Variants in BMAL1 observed in about 807,000 individuals in gnomAD.
BMAL1 encodes the protein basic helix-loop-helix ARNT-like protein 1.
the BMAL1 span, among the ~76,000 whole-genome samples, chr11:13,324,424 T>G: frequency 2.6e-5 from 4 of 152,184 alleles, no homozygotes; most frequent in Admixed American, 2.6e-4. Context: ...TTGCACTTGC[T>G]GTCCTCCGCC....
chr11:13,339,342 C>T, the BMAL1 span, among the ~76,000 whole-genome samples: 62 of 152,160 alleles, frequency 4.1e-4, no homozygotes, highest in African/African-American at 1.4e-3. Flanking sequence ...TTCTCATCAC[C>T]CCCACACCTA....
the BMAL1 span, chr11:13,369,811 A>G: frequency 1.3e-6 from 2 of 1,589,456 alleles, no homozygotes; most frequent in Non-Finnish European, 1.7e-6. Flanking sequence ...CAGGTGAAGC[A>G]TGCTTTCTGC....
the BMAL1 span, among the ~76,000 whole-genome samples, chr11:13,382,228 T>A: frequency 1.3e-5 from 2 of 152,138 alleles, no homozygotes; most frequent in African/African-American, 4.8e-5. Context: ...ACATTTCTAT[T>A]TGAAAAAGCG....
the BMAL1 span, among the ~76,000 whole-genome samples, chr11:13,338,108 C>G: frequency 1.3e-5 from 2 of 152,100 alleles, no homozygotes; most frequent in Admixed American, 1.3e-4. Context: ...ACGACTCATG[C>G]CTGTTCAGAC....
the BMAL1 span, among the ~76,000 whole-genome samples, chr11:13,286,527 C>A: frequency 2.0e-5 from 3 of 152,124 alleles, no homozygotes; most frequent in African/African-American, 7.2e-5. Flanking sequence ...CTCACCATAG[C>A]AGGGAAACGT....
chr11:13,278,313 G>A, the BMAL1 span, among the ~76,000 whole-genome samples: 1 of 152,218 alleles, frequency 6.6e-6, no homozygotes, highest in South Asian at 2.1e-4. Flanking sequence ...CTCTTAAAGG[G>A]ATAGCTCTGC....
chr11:13,329,817 G>A, the BMAL1 span, among the ~76,000 whole-genome samples: 9 of 140,746 alleles, frequency 6.4e-5, no homozygotes, highest in East Asian at 2.2e-3. Flanking sequence ...AGCCTGCTGG[G>A]CTGGGCAACG....
At chr11:13,282,788 G>A in the BMAL1 span, among the ~76,000 whole-genome samples, 1 of 152,248 alleles carries the variant, frequency 6.6e-6, no homozygotes, top group Admixed American at 6.5e-5. Context: ...CATTCTGGGA[G>A]AAGTTTATCT....
At chr11:13,288,951 T>C in the BMAL1 span, among the ~76,000 whole-genome samples, 7 of 152,310 alleles carry the variant, frequency 4.6e-5, no homozygotes, top group African/African-American at 1.7e-4. Context: ...GGAAGTCGAA[T>C]GTTTTAAAAC....
At chr11:13,283,131 T>C in the BMAL1 span, among the ~76,000 whole-genome samples, 1 of 152,194 alleles carries the variant, frequency 6.6e-6, no homozygotes, top group Non-Finnish European at 1.5e-5. Flanking sequence ...TGTGCTGTCC[T>C]TTTAAATAGT....
chr11:13,364,606 C>T, the BMAL1 span, among the ~76,000 whole-genome samples: 10 of 152,228 alleles, frequency 6.6e-5, no homozygotes, highest in South Asian at 6.2e-4. Context: ...TCCTTGTCAC[C>T]GGAAGACCCC....
the BMAL1 span, among the ~76,000 whole-genome samples, chr11:13,281,749 A>G: frequency 2.0e-5 from 3 of 152,108 alleles, no homozygotes; most frequent in African/African-American, 7.2e-5. Flanking sequence ...GGCTCAAGTG[A>G]CCCACCTGCA....
At chr11:13,376,816 T>A in the BMAL1 span, 3 of 1,263,962 alleles carry the variant, frequency 2.4e-6, no homozygotes, top group South Asian at 4.3e-5. Context: ...CAGGGTCCCC[T>A]CCATTCATAT....
chr11:13,383,315 G>A, the BMAL1 span, among the ~76,000 whole-genome samples: 2 of 152,078 alleles, frequency 1.3e-5, no homozygotes, highest in East Asian at 3.8e-4. Flanking sequence ...AGAAAGAGAG[G>A]GGGCACAAGA....
chr11:13,335,127 C>T, the BMAL1 span, among the ~76,000 whole-genome samples: 1 of 152,132 alleles, frequency 6.6e-6, no homozygotes, highest in Non-Finnish European at 1.5e-5. Context: ...ATGAGAGTTA[C>T]CTCACCTCCC....
chr11:13,277,003 T>C, the BMAL1 span: 1 of 152,178 alleles, frequency 6.6e-6, no homozygotes, highest in Non-Finnish European at 1.5e-5. Context: ...CGCGCTCGAG[T>C]ATTCTCTTTG....
the BMAL1 span, among the ~76,000 whole-genome samples, chr11:13,377,396 C>T: frequency 3.9e-5 from 6 of 152,220 alleles, no homozygotes; most frequent in Admixed American, 3.3e-4. Context: ...AGAAACCTGG[C>T]TGTTGTCTCT....
the BMAL1 span, among the ~76,000 whole-genome samples, chr11:13,298,916 T>C: frequency 6.6e-6 from 1 of 152,234 alleles, no homozygotes; most frequent in Non-Finnish European, 1.5e-5. Flanking sequence ...TCTCACACTT[T>C]TTCCTGTTCC....
At chr11:13,336,926 C>A in the BMAL1 span, among the ~76,000 whole-genome samples, 1 of 152,154 alleles carries the variant, frequency 6.6e-6, no homozygotes, top group African/African-American at 2.4e-5. Flanking sequence ...TATCTGGAAA[C>A]TAGTTGAAAT....
Sources: allele counts gnomAD v4.1 joint callset (sites outside exome capture counted in the v4.1 genomes callset), GRCh38; gene constraint gnomAD v4.1.1; transcripts MANE v1.5; gene names NCBI Gene and HGNC (gene_info 2026-07-23, HGNC 2026-07-21).